The following GPC6 variants were observed in gnomAD, a reference collection of about 807,000 sequenced individuals.
GPC6 encodes glypican 6.
Under a neutral mutation model 55.2 loss-of-function variants are expected in GPC6, and 14 were observed. The ratio of observed to expected loss-of-function variants is 0.25; its 90% confidence interval spans 0.17 to 0.40. The LOEUF (loss-of-function observed/expected upper bound fraction) is 0.40. Ranked by LOEUF, GPC6 falls within the 10% of genes least tolerant of loss-of-function variation. The pLI, the probability that GPC6 is intolerant of heterozygous loss-of-function variation, is 1.00. For missense variants in GPC6, 641 were observed against 708.5 expected, an observed-to-expected ratio of 0.90 and a Z score of 1.08; for synonymous variants, 278 against 259.6, an observed-to-expected ratio of 1.07 and a Z score of -0.68.
the GPC6 span, among the ~76,000 whole-genome samples, chr13:93,217,772 C>T: frequency 6.6e-5 from 10 of 152,130 alleles, no homozygotes; most frequent in African/African-American, 9.7e-5. Flanking sequence ...TTCATTACCA[C>T]GAACATGCCG....
chr13:94,083,324 T>G (rs181115349), intron 4 of GPC6, among the ~76,000 whole-genome samples: 1 of 152,202 alleles, frequency 6.6e-6, no homozygotes, highest in Non-Finnish European at 1.5e-5. Flanking sequence ...TTCACCGTGT[T>G]AGCCAGGATG....
intron 7 of GPC6, among the ~76,000 whole-genome samples, chr13:94,391,055 G>C (rs1402970641): frequency 6.6e-6 from 1 of 152,066 alleles, no homozygotes; most frequent in Non-Finnish European, 1.5e-5. Flanking sequence ...GGGAGTTCCT[G>C]CCAATGAATT....
intron 1 of GPC6, among the ~76,000 whole-genome samples, chr13:93,278,791 A>C (rs1877848842): frequency 6.6e-6 from 1 of 152,212 alleles, no homozygotes; most frequent in African/African-American, 2.4e-5. Context: ...TAGGTAATAA[A>C]GTTGTATTAT....
At chr13:94,378,689 T>A (rs1924115) in intron 6 of GPC6, among the ~76,000 whole-genome samples, 24,672 of 152,170 alleles carry the variant, frequency 0.16, 2,587 homozygotes, top group East Asian at 0.31. Flanking sequence ...TTTGGATCAG[T>A]TTCCAGAGAC....
intron 3 of GPC6, among the ~76,000 whole-genome samples, chr13:93,974,352 A>G (rs1415099996): frequency 6.6e-6 from 1 of 152,212 alleles, no homozygotes; most frequent in African/African-American, 2.4e-5. Flanking sequence ...TCAAAATAAT[A>G]TAACTGTTAT....
intron 1 of GPC6, among the ~76,000 whole-genome samples, chr13:93,273,984 T>G (rs1877640861): frequency 6.6e-6 from 1 of 151,702 alleles, no homozygotes; most frequent in Non-Finnish European, 1.5e-5. Context: ...ATTTTTGTAT[T>G]TTTAGTAGAG....
rs530968283 is a variant in GPC6 at position 94,025,669 on chromosome 13, A to G, written c.712-2060A>G. ...TGGCATTAATATATCCTTAAAAGAA[A>G]AGTCAACAGACTCCTCACCTTTATA... On this transcript the variant is annotated intron_variant, in intron 3 of 8. Transcript: ENST00000377047. The G allele has an allele frequency of 2.6e-5, 4 of 152,264 alleles. No homozygotes were observed. The South Asian group carries it at 8.3e-4, about 32-fold the overall frequency. 9.4% of individuals were successfully genotyped at this position (152,264 alleles called of 1,614,324 possible). A position where few individuals can be genotyped will look rare whatever the true frequency, so the allele number is the denominator to read the frequency against.
At position 93,249,869 on chromosome 13, in the gene GPC6, C is replaced by T. The variant is rs190313771; in HGVS notation, c.160+22253C>T. 4.7e-4 allele frequency among the ~76,000 whole-genome samples: 72 copies of T among 152,282 alleles called. 1 individual carries two copies. The highest frequency in any genetic ancestry group is 4.2e-3 in the Admixed American group (64 of 15,304). ...GTAAAAGGCATATAGTTCCTTTTTC[C>T]TCCACCTCTTGGTTTCTCCTTCTCC... On this transcript the variant is annotated intron_variant, in intron 1 of 8. Coordinates refer to ENST00000377047, the MANE Select transcript of GPC6 (RefSeq NM_005708.5).
intron 6 of GPC6, among the ~76,000 whole-genome samples, chr13:94,312,314 G>T (rs1594157769): frequency 6.6e-6 from 1 of 152,170 alleles, no homozygotes; most frequent in African/African-American, 2.4e-5. Flanking sequence ...AGATCATCAA[G>T]ATATGCAACT....
At chr13:93,902,472 C>T (rs772287222) in intron 3 of GPC6, among the ~76,000 whole-genome samples, 14 of 152,064 alleles carry the variant, frequency 9.2e-5, no homozygotes, top group Non-Finnish European at 1.8e-4. Flanking sequence ...ACAGACACTT[C>T]GGTTGATTCC....
At chr13:93,479,231 G>A (rs9301884) in intron 1 of GPC6, among the ~76,000 whole-genome samples, 50,685 of 151,814 alleles carry the variant, frequency 0.33, 8,909 homozygotes, top group East Asian at 0.61. Context: ...TCCTAAAAAG[G>A]AACTAAGAAC....
At chr13:93,897,392 G>T (rs1400924234) in intron 3 of GPC6, among the ~76,000 whole-genome samples, 3 of 151,972 alleles carry the variant, frequency 2.0e-5, no homozygotes, top group Non-Finnish European at 4.4e-5. Flanking sequence ...GGAGAGTCCA[G>T]TTACCCTGAT....
intron 4 of GPC6, among the ~76,000 whole-genome samples, chr13:94,116,094 T>G (rs1210203480): frequency 2.0e-5 from 3 of 152,124 alleles, no homozygotes; most frequent in Non-Finnish European, 4.4e-5. Flanking sequence ...GCTTTAGTAA[T>G]TTAGTTATAA....
Position 93,848,291 on chromosome 13 carries a change from T to C in GPC6, c.711+17746T>C, listed in dbSNP as rs542754913. Among the ~76,000 whole-genome samples the C allele has an allele frequency of 4.6e-5, 7 of 152,246 alleles. No homozygotes were observed. In the South Asian group the frequency reaches 1.4e-3, roughly 32 times the overall value. The stretch of plus-strand genomic sequence containing the variant: ...TGGGTACTCAGAAACCCTCAAACTA[T>C]TGAAAATTGAGTTTAGAAATTTCAA... On this transcript the variant is annotated intron_variant, in intron 3 of 8. Coordinates refer to ENST00000377047, the MANE Select transcript of GPC6 (RefSeq NM_005708.5).
At chr13:93,905,573 C>T (rs1876620946) in intron 3 of GPC6, among the ~76,000 whole-genome samples, 1 of 152,192 alleles carries the variant, frequency 6.6e-6, no homozygotes, top group Non-Finnish European at 1.5e-5. Context: ...CTATCTGATT[C>T]TGCATAAAGT....
At chr13:93,665,974 T>G (rs1299656725) in intron 2 of GPC6, among the ~76,000 whole-genome samples, 1 of 152,200 alleles carries the variant, frequency 6.6e-6, no homozygotes, top group Non-Finnish European at 1.5e-5. Flanking sequence ...CAGGCTCTCC[T>G]TTAACAATTA....
rs193281533 is a variant in GPC6 at position 93,923,433 on chromosome 13, C to T, written c.711+92888C>T. Among the ~76,000 whole-genome samples, 224 of 151,574 alleles carry T rather than the reference C, an allele frequency of 1.5e-3. 2 individuals carry two copies. The highest frequency in any genetic ancestry group is 1.8e-3 in the Non-Finnish European group (122 of 67,938). Reference sequence around the variant, plus strand: ...ATTACAAAATCCCAATCTTACAGGTCACCAAAATCCCTTGGAGAGGTTACT... The same window carrying T: ...ATTACAAAATCCCAATCTTACAGGTTACCAAAATCCCTTGGAGAGGTTACT... On this transcript the variant is annotated intron_variant, in intron 3 of 8. Transcript: ENST00000377047.
At chr13:94,375,664 T>C (rs1268025716) in intron 6 of GPC6, among the ~76,000 whole-genome samples, 67 of 141,610 alleles carry the variant, frequency 4.7e-4, no homozygotes, top group African/African-American at 1.7e-3. Flanking sequence ...TTCCAATCAA[T>C]AGAAAAAGAG....
rs561585893 is a variant in GPC6, at chr13:93,945,990, A to G, written c.712-81739A>G. On this transcript the variant is annotated intron_variant, in intron 3 of 8. Transcript: ENST00000377047. ...TTCTACTCACAATATAACTACAGAC[A>G]TGCTACACATTAAAGTGAATCTGCA... Among the ~76,000 whole-genome samples, 9 of 152,336 alleles carry G rather than the reference A, an allele frequency of 5.9e-5. No individual in the cohort carries two copies. The East Asian group carries it at 1.2e-3, about 20-fold the overall frequency.
Sources: gnomAD v4.1 joint callset for allele counts (sites outside exome capture counted in the v4.1 genomes callset) on GRCh38, gnomAD v4.1.1 for gene constraint, MANE v1.5 for transcripts, NCBI Gene and HGNC (gene_info 2026-07-23, HGNC 2026-07-21) for gene names.